Variants in CNTNAP2 observed in about 807,000 individuals in gnomAD.
The protein encoded by CNTNAP2 is contactin associated protein 2.
Under a neutral mutation model 155.2 loss-of-function variants are expected in CNTNAP2, and 98 were observed. That is an observed-to-expected ratio of 0.63 (90% CI 0.54 to 0.75). The LOEUF (loss-of-function observed/expected upper bound fraction) is 0.75, where lower values mean the gene tolerates loss of function less well. Among genes scored for constraint, CNTNAP2 ranks in the 30% least tolerant of loss-of-function variants. CNTNAP2 has a pLI of 0.00. For synonymous variants in CNTNAP2, 651 were observed against 631.2 expected (o/e 1.03, Z -0.47); for missense variants, 1,727 against 1,688.1 (o/e 1.02, Z -0.40).
intron 21 of CNTNAP2, among the ~76,000 whole-genome samples, chr7:148,358,803 A>G (rs936793495): frequency 6.6e-6 from 1 of 152,232 alleles, no homozygotes; most frequent in South Asian, 2.1e-4. Context: ...AATAGCACCT[A>G]TTTCACAGAG....
intron 1 of CNTNAP2, among the ~76,000 whole-genome samples, chr7:146,626,382 A>C (rs904419898): frequency 6.6e-6 from 1 of 152,104 alleles, no homozygotes; most frequent in Non-Finnish European, 1.5e-5. Flanking sequence ...GGGTTGATTT[A>C]TGGGTACCTA....
Position 146,590,300 on chromosome 7 carries a change from T to G in CNTNAP2, c.98-183971T>G, listed in dbSNP as rs575440417. On this transcript the variant is annotated intron_variant, in intron 1 of 23. Transcript: ENST00000361727. ...CAAATATTTAGTTATCAGGAATGTC[T>G]GCTCTAATATGATACATATTATTAT... is the stretch of plus-strand genomic sequence containing the variant. 1.6e-3 allele frequency among the ~76,000 whole-genome samples: 237 copies of G among 152,286 alleles called. 1 individual carries two copies. The highest frequency in any genetic ancestry group is 5.5e-3 in the African/African-American group (230 of 41,580).
intron 1 of CNTNAP2, among the ~76,000 whole-genome samples, chr7:146,616,356 G>A (rs565408601): frequency 1.6e-4 from 24 of 152,212 alleles, no homozygotes; most frequent in African/African-American, 5.5e-4. Context: ...AGAGAGAGAT[G>A]AATGAATAAA....
At position 147,793,854 on chromosome 7, in the gene CNTNAP2, A is replaced by G. The variant is rs182023533; in HGVS notation, c.2099-109711A>G. On this transcript the variant is annotated intron_variant, in intron 13 of 23. Transcript: ENST00000361727. ...TTGCTTTCTTTCAACAATGTTTGACAGTTTTTAAAGTATAGGTTTGTGCCC... is the reference window on the plus strand; with the variant it reads ...TTGCTTTCTTTCAACAATGTTTGACGGTTTTTAAAGTATAGGTTTGTGCCC... Among the ~76,000 whole-genome samples, 32 of 152,100 alleles carry G rather than the reference A, an allele frequency of 2.1e-4. No individual in the cohort carries two copies. The East Asian group carries it at 4.8e-3, about 23-fold the overall frequency.
intron 3 of CNTNAP2, among the ~76,000 whole-genome samples, chr7:147,014,456 C>T (rs1384543843): frequency 6.6e-6 from 1 of 151,840 alleles, no homozygotes; most frequent in Non-Finnish European, 1.5e-5. Context: ...CATCATCCAA[C>T]AATAAATAAA....
At chr7:147,927,981 G>A (rs937710241) in intron 14 of CNTNAP2, among the ~76,000 whole-genome samples, 2 of 152,146 alleles carry the variant, frequency 1.3e-5, no homozygotes, top group Non-Finnish European at 2.9e-5. Flanking sequence ...TCCCACATGT[G>A]GTGGGAGGGA....
chr7:146,911,242 G>C (rs1363716259), intron 3 of CNTNAP2, among the ~76,000 whole-genome samples: 3 of 152,126 alleles, frequency 2.0e-5, no homozygotes, highest in South Asian at 4.1e-4. Flanking sequence ...GTGGAAGTCA[G>C]TGTGGTGATT....
At chr7:146,828,988 G>A (rs893848329) in intron 2 of CNTNAP2, among the ~76,000 whole-genome samples, 4 of 151,984 alleles carry the variant, frequency 2.6e-5, no homozygotes, top group Admixed American at 6.6e-5. Context: ...TAGGCTTTAC[G>A]TAGTTGTAAG....
intron 1 of CNTNAP2, among the ~76,000 whole-genome samples, chr7:146,260,282 A>G (rs1246533846): frequency 6.6e-6 from 1 of 152,230 alleles, no homozygotes; most frequent in Admixed American, 6.5e-5. Flanking sequence ...AGGGCAATGC[A>G]GAGGGGAAAT....
At chr7:147,493,813 C>T (rs1046948440) in intron 11 of CNTNAP2, among the ~76,000 whole-genome samples, 1 of 152,040 alleles carries the variant, frequency 6.6e-6, no homozygotes, top group African/African-American at 2.4e-5. Flanking sequence ...TTGTTTTAAG[C>T]AATTATTTTA....
At chr7:147,505,311 T>C (rs1798887521) in intron 11 of CNTNAP2, among the ~76,000 whole-genome samples, 1 of 148,842 alleles carries the variant, frequency 6.7e-6, no homozygotes, top group Non-Finnish European at 1.5e-5. Context: ...CAATTAATTC[T>C]ATTATTTTGT....
chr7:148,105,923 T>C (rs1288213116), intron 15 of CNTNAP2, among the ~76,000 whole-genome samples: 1 of 152,226 alleles, frequency 6.6e-6, no homozygotes, highest in Non-Finnish European at 1.5e-5. Context: ...CTGTTGGCTT[T>C]ATCAAGGATG....
chr7:148,397,752 T>C (rs1023810885), intron 22 of CNTNAP2, among the ~76,000 whole-genome samples: 5 of 152,252 alleles, frequency 3.3e-5, no homozygotes, highest in Non-Finnish European at 7.3e-5. Flanking sequence ...TTTATAATGA[T>C]GTGAGCCAGG....
At chr7:146,955,293 CAAG>C (rs1394739091) in intron 3 of CNTNAP2, among the ~76,000 whole-genome samples, 1 of 151,904 alleles carries the variant, frequency 6.6e-6, no homozygotes, top group Non-Finnish European at 1.5e-5. Flanking sequence ...TTCTCATATA[CAAG>C]AAGATTTAAG....
chr7:147,049,222 C>T (rs1799424162), intron 4 of CNTNAP2, among the ~76,000 whole-genome samples: 1 of 152,152 alleles, frequency 6.6e-6, no homozygotes, highest in Admixed American at 6.5e-5. Flanking sequence ...GCATTCATAC[C>T]ACAGCGTACA....
intron 14 of CNTNAP2, among the ~76,000 whole-genome samples, chr7:147,965,546 C>T (rs1453665317): frequency 1.3e-5 from 2 of 151,778 alleles, no homozygotes; most frequent in African/African-American, 2.4e-5. Context: ...AGCTGATGTA[C>T]ATGCTTTAAT....
At chr7:146,530,337 G>A in intron 1 of CNTNAP2, among the ~76,000 whole-genome samples, 1 of 152,054 alleles carries the variant, frequency 6.6e-6, no homozygotes, top group East Asian at 1.9e-4. Flanking sequence ...TTTCATGATG[G>A]TGACATCAAA....
chr7:147,904,084 G>A (rs143822025), intron 14 of CNTNAP2, among the ~76,000 whole-genome samples: 5 of 152,296 alleles, frequency 3.3e-5, no homozygotes, highest in African/African-American at 1.2e-4. Flanking sequence ...GCAGTCAACA[G>A]CCTCCTGCGG....
intron 11 of CNTNAP2, among the ~76,000 whole-genome samples, chr7:147,531,907 C>T (rs4725744): frequency 0.65 from 98,489 of 150,780 alleles, 32,319 homozygotes; most frequent in Admixed American, 0.71. Flanking sequence ...CCTGGGTTCA[C>T]GCCATTCTCC....
Sources: gnomAD v4.1 joint callset for allele counts (sites outside exome capture counted in the v4.1 genomes callset) on GRCh38, gnomAD v4.1.1 for gene constraint, MANE v1.5 for transcripts, NCBI Gene and HGNC (gene_info 2026-07-23, HGNC 2026-07-21) for gene names.